Variants in ERCC8 observed in about 807,000 individuals in gnomAD.
ERCC8 encodes ERCC excision repair 8, CSA ubiquitin ligase complex subunit, also known as DNA excision repair protein ERCC-8.
ERCC8 carries 52 observed loss-of-function variants against 54.9 expected under a neutral mutation model. The observed-to-expected ratio is 0.95, with a 90% CI of 0.76 to 1.19. The LOEUF (loss-of-function observed/expected upper bound fraction) is 1.19. ERCC8 is among the 50% of genes most tolerant of loss of function. ERCC8 has a pLI of 0.00. For missense variants in ERCC8, 514 were observed against 466.1 expected, an observed-to-expected ratio of 1.10 and a Z score of -0.95; for synonymous variants, 146 against 157.2, an observed-to-expected ratio of 0.93 and a Z score of 0.53.
At chr5:60,909,885 G>C (rs1371718957) in intron 4 of ERCC8, 1 of 151,938 alleles carries the variant, frequency 6.6e-6, no homozygotes, top group Non-Finnish European at 1.5e-5. Flanking sequence ...ACTCAGGACG[G>C]GGAGGTTGCA....
chr5:60,944,449 T>C (rs1008719697), intron 1 of ERCC8, among the ~76,000 whole-genome samples: 1 of 152,224 alleles, frequency 6.6e-6, no homozygotes. Context: ...TTCTGTCTAC[T>C]TCATCTCTTG....
At chr5:60,917,942 T>C (rs1749485574) in intron 4 of ERCC8, 1 of 251,050 alleles carries the variant, frequency 4.0e-6, no homozygotes, top group African/African-American at 2.2e-5. Flanking sequence ...TAGCTAACAG[T>C]TTTTGAGCAT....
chr5:60,898,507 A>C, intron 8 of ERCC8, 107 bp from the exon 9 acceptor site: 1 of 1,286,942 alleles, frequency 7.8e-7, no homozygotes, highest in Non-Finnish European at 1.1e-6. Context: ...GAGTTACTTA[A>C]AAAATGTAAG....
At chr5:60,916,595 A>G (rs1283111503) in intron 4 of ERCC8, among the ~76,000 whole-genome samples, 7 of 152,136 alleles carry the variant, frequency 4.6e-5, no homozygotes, top group South Asian at 2.1e-4. Context: ...ATATACTCTC[A>G]TTTTCAATGA....
chr5:60,899,821 C>A (rs1277721476), intron 7 of ERCC8, 94 bp from the exon 8 acceptor site: 2 of 884,854 alleles, frequency 2.3e-6, no homozygotes, highest in African/African-American at 3.3e-5. Context: ...ACAGAGGTCT[C>A]GTTATATAGG....
intron 1 of ERCC8, among the ~76,000 whole-genome samples, chr5:60,931,344 T>C (rs1749904153): frequency 6.6e-6 from 1 of 152,186 alleles, no homozygotes. Flanking sequence ...TCTTCCTCTG[T>C]CACCCAGGCT....
chr5:60,894,042 T>C (rs910321019), intron 9 of ERCC8, among the ~76,000 whole-genome samples: 3 of 149,892 alleles, frequency 2.0e-5, no homozygotes, highest in Non-Finnish European at 3.0e-5. Flanking sequence ...TGGAGTGCAG[T>C]GGCGCGATCT....
At chr5:60,910,813 G>A (rs1749235250) in intron 4 of ERCC8, among the ~76,000 whole-genome samples, 1 of 152,012 alleles carries the variant, frequency 6.6e-6, no homozygotes, top group Non-Finnish European at 1.5e-5. Flanking sequence ...TGTCTTCTGT[G>A]AATGACAGTT....
chr5:60,889,100 AAATTT>A (rs1167266027), intron 10 of ERCC8, among the ~76,000 whole-genome samples: 1 of 152,202 alleles, frequency 6.6e-6, no homozygotes, highest in African/African-American at 2.4e-5. Flanking sequence ...CCTCATGATT[AAATTT>A]GAGTGATACA....
At chr5:60,935,157 C>A (rs540603470) in intron 1 of ERCC8, among the ~76,000 whole-genome samples, 1 of 152,190 alleles carries the variant, frequency 6.6e-6, no homozygotes, top group South Asian at 2.1e-4. Context: ...TTGATTCTAC[C>A]CATCCAAATG....
Position 60,922,175 on chromosome 5 carries a change from CATTA to C in ERCC8, c.174-24_174-21del. On this transcript the variant is annotated intron_variant, in intron 2 of 11. Transcript: ENST00000676185. ...AACATGCTGATAATAAAAAAGTTCACATTAATTTATCATTTTATTTATTATTTAG... is the reference window on the plus strand; with the variant it reads ...AACATGCTGATAATAAAAAAGTTCACATTTATCATTTTATTTATTATTTAG... 6.8e-7 allele frequency: 1 copy of C among 1,466,224 alleles called. No homozygotes were observed. The highest frequency in any genetic ancestry group is 9.5e-7 in the Non-Finnish European group (1 of 1,048,676). The allele number at this position is 1,466,224 out of a possible 1,614,324, so 90.8% of individuals were successfully genotyped here. A position where few individuals can be genotyped will look rare whatever the true frequency, so the allele number is the denominator to read the frequency against.
chr5:60,911,758 A>G (rs956809021), intron 4 of ERCC8, among the ~76,000 whole-genome samples: 1 of 67,504 alleles, frequency 1.5e-5, no homozygotes, highest in Non-Finnish European at 3.3e-5. Context: ...ATCTTGAATT[A>G]ATTTTTGTAT....
chr5:60,938,154 T>C (rs1332811832), intron 1 of ERCC8, among the ~76,000 whole-genome samples: 3 of 147,648 alleles, frequency 2.0e-5, no homozygotes, highest in Non-Finnish European at 4.5e-5. Context: ...CCCTAAGTTG[T>C]AGAAGTGGTT....
intron 4 of ERCC8, among the ~76,000 whole-genome samples, chr5:60,911,623 T>G (rs749613854): frequency 2.2e-4 from 33 of 152,220 alleles, no homozygotes; most frequent in Non-Finnish European, 3.8e-4. Flanking sequence ...TTTTGACTTT[T>G]GTTGCCATTG....
chr5:60,918,063 G>T, intron 4 of ERCC8: 1 of 557,702 alleles, frequency 1.8e-6, no homozygotes, highest in Non-Finnish European at 3.3e-6. Context: ...GACACACAGA[G>T]GTTTGGACAT....
At chr5:60,932,078 C>T (rs1749924010) in intron 1 of ERCC8, 2 of 152,220 alleles carry the variant, frequency 1.3e-5, no homozygotes, top group African/African-American at 4.8e-5. Flanking sequence ...TCTAGGAAAC[C>T]TAATCCCATA....
chr5:60,894,659 C>T (rs765876964), intron 9 of ERCC8, among the ~76,000 whole-genome samples: 1 of 152,056 alleles, frequency 6.6e-6, no homozygotes, highest in Non-Finnish European at 1.5e-5. Context: ...CCAATCCTAC[C>T]GAAAATAATC....
rs138505352 is a variant in ERCC8, at chr5:60,915,819, C to A, written c.399+2446G>T. Among the ~76,000 whole-genome samples the A allele has an allele frequency of 3.3e-3, 505 of 152,086 alleles. 7 individuals are homozygous for A. The highest frequency in any genetic ancestry group is 0.012 in the African/African-American group (488 of 41,452). The stretch of plus-strand genomic sequence containing the variant: ...CCACTAGGATAATTCAGTATTATCT[C>A]CCTGTCTTGAGGTCAGGTGATTGGC... On this transcript the variant is annotated intron_variant, in intron 4 of 11. Transcript: ENST00000676185.
chr5:60,909,320 G>C (rs1204127261), intron 4 of ERCC8, among the ~76,000 whole-genome samples: 3 of 138,696 alleles, frequency 2.2e-5, no homozygotes, highest in Non-Finnish European at 4.5e-5. Flanking sequence ...CAATGATATG[G>C]GCTCTGAAAC....
Sources: gnomAD v4.1 joint callset for allele counts (sites outside exome capture counted in the v4.1 genomes callset) on GRCh38, gnomAD v4.1.1 for gene constraint, MANE v1.5 for transcripts, NCBI Gene and HGNC (gene_info 2026-07-23, HGNC 2026-07-21) for gene names.